REDIC1: variants seen among roughly 807,000 people sequenced by gnomAD.
The protein encoded by REDIC1 is HEI10 Interacting Protein 1.
At chr12:39,906,843 T>TGAAG in the REDIC1 span, among the ~76,000 whole-genome samples, 1 of 152,220 alleles carries the variant, frequency 6.6e-6, no homozygotes, top group South Asian at 2.1e-4. Flanking sequence ...CAATATCCCT[T>TGAAG]GAAGTATGAA....
chr12:39,713,017 GTA>G, the REDIC1 span, among the ~76,000 whole-genome samples: 1 of 137,342 alleles, frequency 7.3e-6, no homozygotes, highest in African/African-American at 2.9e-5. Context: ...ATATACATGT[GTA>G]TATACGTGTA....
the REDIC1 span, among the ~76,000 whole-genome samples, chr12:39,896,491 TACAC>T: frequency 1.3e-5 from 2 of 148,204 alleles, no homozygotes; most frequent in African/African-American, 4.9e-5. Context: ...TGTATATATG[TACAC>T]ATATATGTAT....
the REDIC1 span, among the ~76,000 whole-genome samples, chr12:39,878,945 A>G: frequency 6.6e-6 from 1 of 152,258 alleles, no homozygotes; most frequent in African/African-American, 2.4e-5. Flanking sequence ...AGGCCAGCCC[A>G]GAGCCTACTG....
chr12:39,855,115 A>G, the REDIC1 span, among the ~76,000 whole-genome samples: 1 of 152,220 alleles, frequency 6.6e-6, no homozygotes, highest in Non-Finnish European at 1.5e-5. Flanking sequence ...GAAATCTCCA[A>G]ATACCATTTA....
At chr12:39,647,457 T>C in the REDIC1 span, among the ~76,000 whole-genome samples, 3 of 152,036 alleles carry the variant, frequency 2.0e-5, no homozygotes. Flanking sequence ...ATGGCAATGA[T>C]ACTAAAATCC....
the REDIC1 span, among the ~76,000 whole-genome samples, chr12:39,705,037 C>T: frequency 6.6e-6 from 1 of 151,546 alleles, no homozygotes; most frequent in African/African-American, 2.4e-5. Flanking sequence ...CTAACCTGCA[C>T]AATGTGCACA....
At chr12:39,841,618 T>C in the REDIC1 span, among the ~76,000 whole-genome samples, 1 of 152,228 alleles carries the variant, frequency 6.6e-6, no homozygotes, top group Middle Eastern at 3.4e-3. Flanking sequence ...TATACATACA[T>C]GTATAAATAA....
chr12:39,825,074 G>A, the REDIC1 span, among the ~76,000 whole-genome samples: 3 of 152,048 alleles, frequency 2.0e-5, no homozygotes, highest in Admixed American at 6.6e-5. Context: ...GAATGAATAC[G>A]GTAAACAATG....
At chr12:39,807,116 T>C in the REDIC1 span, among the ~76,000 whole-genome samples, 1 of 148,700 alleles carries the variant, frequency 6.7e-6, no homozygotes, top group Non-Finnish European at 1.5e-5. Context: ...GGAAAAGTAA[T>C]TACAGTTTTC....
the REDIC1 span, among the ~76,000 whole-genome samples, chr12:39,868,864 C>A: frequency 2.0e-5 from 3 of 152,084 alleles, no homozygotes; most frequent in African/African-American, 7.2e-5. Context: ...TTTTGTACTT[C>A]TTTGTATAAA....
chr12:39,896,385 T>TATATGTGTATATATGTATACATGTATGC, the REDIC1 span, among the ~76,000 whole-genome samples: 1 of 123,246 alleles, frequency 8.1e-6, no homozygotes, highest in East Asian at 2.2e-4. Context: ...TATATGTATG[T>TATATGTGTATATATGTATACATGTATGC]ATATGTGTAT....
At chr12:39,848,457 T>A in the REDIC1 span, among the ~76,000 whole-genome samples, 6 of 151,870 alleles carry the variant, frequency 4.0e-5, no homozygotes, top group Non-Finnish European at 1.5e-5. Context: ...GAAATGCAAA[T>A]CAAAACCACA....
the REDIC1 span, among the ~76,000 whole-genome samples, chr12:39,679,088 G>A: frequency 1.3e-5 from 2 of 152,184 alleles, no homozygotes; most frequent in South Asian, 4.2e-4. Context: ...AGTACTGGAA[G>A]TCCTAGCCAG....
the REDIC1 span, among the ~76,000 whole-genome samples, chr12:39,736,263 T>C: frequency 6.6e-6 from 1 of 152,258 alleles, no homozygotes; most frequent in African/African-American, 2.4e-5. Context: ...CTTTATGGAC[T>C]ATTGCCTTTC....
chr12:39,794,773 T>C, the REDIC1 span, among the ~76,000 whole-genome samples: 1 of 152,194 alleles, frequency 6.6e-6, no homozygotes, highest in East Asian at 1.9e-4. Context: ...TTGCTCAATT[T>C]GCGAATCATT....
At chr12:39,671,830 C>T in the REDIC1 span, among the ~76,000 whole-genome samples, 1 of 152,026 alleles carries the variant, frequency 6.6e-6, no homozygotes, top group Admixed American at 6.6e-5. Context: ...ATCTCCAGGC[C>T]TCTGGATGGG....
chr12:39,712,791 A>G, the REDIC1 span, among the ~76,000 whole-genome samples: 37 of 121,244 alleles, frequency 3.1e-4, no homozygotes, highest in African/African-American at 1.0e-3. Flanking sequence ...ATATACGTAT[A>G]TGTATATATG....
the REDIC1 span, among the ~76,000 whole-genome samples, chr12:39,774,855 G>T: frequency 6.6e-6 from 1 of 152,068 alleles, no homozygotes; most frequent in Non-Finnish European, 1.5e-5. Context: ...CCCCAAGTAT[G>T]CAAAATAGAT....
the REDIC1 span, among the ~76,000 whole-genome samples, chr12:39,653,592 C>CTTCT: frequency 4.4e-5 from 1 of 22,772 alleles, no homozygotes; most frequent in South Asian, 1.3e-3. Context: ...CTTCTTCTTC[C>CTTCT]TCTTCTTCTT....
Sources: allele counts gnomAD v4.1 joint callset (sites outside exome capture counted in the v4.1 genomes callset), GRCh38; gene constraint gnomAD v4.1.1; transcripts MANE v1.5; gene names NCBI Gene and HGNC (gene_info 2026-07-23, HGNC 2026-07-21).